Variants in FRMD1 observed in about 807,000 individuals in gnomAD.
FRMD1 encodes FERM domain-containing protein 1.
Under a neutral mutation model 54.9 loss-of-function variants are expected in FRMD1, and 51 were observed. That is an observed-to-expected ratio of 0.93 (90% CI 0.74 to 1.17). FRMD1 has a LOEUF of 1.17. Ranked by LOEUF, FRMD1 falls within the 50% of genes most tolerant of loss-of-function variation. FRMD1 has a pLI of 0.00. For missense variants in FRMD1, 729 were observed against 743.0 expected (o/e 0.98, Z 0.22); for synonymous variants, 324 against 306.4 (o/e 1.06, Z -0.60).
chr6:168,060,596 T>C (rs569079885), intron 9 of FRMD1, among the ~76,000 whole-genome samples, 165 bp downstream of exon 9: 1 of 152,322 alleles, frequency 6.6e-6, no homozygotes, highest in South Asian at 2.1e-4. Flanking sequence ...CGGCATGTTC[T>C]GGCACATTTC....
rs1489668968 is a variant in FRMD1 at position 168,066,797 on chromosome 6, A to C, written c.419T>G (p.Phe140Cys). The change falls in exon 4 of 11, where the codon TTC becomes TGC. Residue 140 changes from phenylalanine (F) to cysteine (C), a missense_variant. Phe to Cys is a radical substitution (Grantham distance 205). Coordinates refer to ENST00000283309, the MANE Select transcript of FRMD1 (RefSeq NM_024919.6). ...NEKPRAPFVA[F>C]LRVQHYVENG... ...TTCCACGTAGTGCTGCACTCGGAGG[A>C]AGGCCACGAAGGGGGCTCTGGGTTT... 3 of 1,614,012 alleles carry C rather than the reference A, an allele frequency of 1.9e-6. No individual in the cohort carries two copies. The African/African-American group carries it at 4.0e-5, about 22-fold the overall frequency.
At position 168,066,811 on chromosome 6, in the gene FRMD1, G is replaced by A. The variant is rs1417653155; in HGVS notation, c.405C>T (p.Ala135=). The A allele has an allele frequency of 1.9e-6, 3 of 1,613,814 alleles. No individual in the cohort carries two copies. Among genetic ancestry groups the A allele is most frequent in the East Asian group, 2.2e-5 (1 of 44,878 alleles). The change falls in exon 4 of 11, where the codon GCC becomes GCT. Residue 135 remains alanine, a synonymous_variant. Coordinates refer to ENST00000283309, the MANE Select transcript of FRMD1 (RefSeq NM_024919.6). The stretch of plus-strand genomic sequence containing the variant: ...GCACTCGGAGGAAGGCCACGAAGGG[G>A]GCTCTGGGTTTCTCATTTCCCTAGT... ...ERNEGNEKPR[A]PFVAFLRVQH... is the part of the protein sequence containing the mutation.
chr6:168,057,501 A>G, intron 10 of FRMD1, 162 bp from the exon 11 acceptor site: 2 of 975,974 alleles, frequency 2.0e-6, no homozygotes, highest in Non-Finnish European at 2.9e-6. Context: ...CCCCCAGCAC[A>G]CACCTCTGCG....
rs868492016 is a variant in FRMD1, at chr6:168,056,548, G to A, written c.*549C>T. 12 of 152,556 alleles carry A rather than the reference G, an allele frequency of 7.9e-5. No homozygotes were observed. Among genetic ancestry groups the A allele is most frequent in the Admixed American group, 4.6e-4 (7 of 15,312 alleles). The allele number at this position is 152,556 out of a possible 1,614,324, so 9.5% of individuals were successfully genotyped here. On this transcript the variant is annotated 3_prime_UTR_variant, in exon 11 of 11. Transcript: ENST00000283309. ...CAGAGCTGGGCTTGCACCACAAGAG[G>A]GGCCTCTGTCTGGCAGGCCCAGCGC...
rs1280652621 is a variant in FRMD1, at chr6:168,054,715, C to G, written c.*2382G>C. On this transcript the variant is annotated 3_prime_UTR_variant, in exon 11 of 11. Coordinates refer to ENST00000283309, the MANE Select transcript of FRMD1 (RefSeq NM_024919.6). ...TTGGCTTCCCCGACTTCCCGCAGCC[C>G]CGCTCTCTGCTGCTTTCTGTCTGGG... is the stretch of plus-strand genomic sequence containing the variant. The G allele has an allele frequency of 6.6e-6, 1 of 152,306 alleles. No individual in the cohort carries two copies. Among genetic ancestry groups the G allele is most frequent in the Non-Finnish European group, 1.5e-5 (1 of 68,120 alleles). 9.4% of individuals were successfully genotyped at this position (152,306 alleles called of 1,614,324 possible). A position where few individuals can be genotyped will look rare whatever the true frequency, so the allele number is the denominator to read the frequency against.
At chr6:168,061,098 G>C (rs747343094) in intron 8 of FRMD1, 41 bp from the exon 9 acceptor site, 3 of 1,570,488 alleles carry the variant, frequency 1.9e-6, no homozygotes, top group Non-Finnish European at 2.6e-6. Context: ...AGCTGGAGAG[G>C]GACCAGCCCT....
rs114808693 is a variant in FRMD1 at position 168,078,035 on chromosome 6, A to C, written c.213+847T>G. ...AGATTCCCAGGGGACTTGAACCAGG[A>C]TATTACTAGCAAGTCATACTCCATT... On this transcript the variant is annotated intron_variant, in intron 1 of 10. Transcript: ENST00000283309. 3.2e-3 allele frequency among the ~76,000 whole-genome samples: 494 copies of C among 152,298 alleles called. 6 individuals are homozygous for C. Among genetic ancestry groups the C allele is most frequent in the African/African-American group, 0.011 (473 of 41,556 alleles).
intron 1 of FRMD1, among the ~76,000 whole-genome samples, chr6:168,090,937 C>A (rs1356510092): frequency 6.6e-6 from 1 of 152,204 alleles, no homozygotes; most frequent in East Asian, 1.9e-4. Flanking sequence ...GGCTTGCCCA[C>A]CGATCCAGGC....
chr6:168,076,723 A>G (rs886526613), intron 1 of FRMD1, among the ~76,000 whole-genome samples: 1 of 152,216 alleles, frequency 6.6e-6, no homozygotes, highest in Non-Finnish European at 1.5e-5. Context: ...GCAGCGTGAG[A>G]ACAGACTAAT....
At chr6:168,083,491 A>G (rs1266717617), upstream of FRMD1, among the ~76,000 whole-genome samples, 3 of 152,238 alleles carry the variant, frequency 2.0e-5, no homozygotes, top group Admixed American at 6.5e-5. Flanking sequence ...ACAATCTCCC[A>G]TCGACTTGAA....
intron 2 of FRMD1, among the ~76,000 whole-genome samples, chr6:168,074,672 A>T (rs1362369293): frequency 7.5e-6 from 1 of 134,074 alleles, no homozygotes; most frequent in Non-Finnish European, 1.6e-5. Context: ...GTGTATGTGT[A>T]TGTGTGAGTG....
At chr6:168,090,166 C>T (rs1221937550) in intron 1 of FRMD1, among the ~76,000 whole-genome samples, 1 of 152,076 alleles carries the variant, frequency 6.6e-6, no homozygotes, top group Non-Finnish European at 1.5e-5. Context: ...TGGCTCGTCT[C>T]CCTCCTGAAT....
In FRMD1 at chr6:168,057,207, T is replaced by A. The variant is rs1484280934; in HGVS notation, c.1540A>T (p.Arg514Trp). 6.2e-7 allele frequency: 1 copy of A among 1,606,186 alleles called. No individual in the cohort carries two copies. Among genetic ancestry groups the A allele is most frequent in the East Asian group, 2.2e-5 (1 of 44,658 alleles). The part of the protein sequence containing the change: ...SHTFHRALDC[R>W]LAGPCETRAT... ...CTGGTCTCGCAGGGGCCTGCCAGCCTGCAGTCCAGGGCGCGGTGGAAGGTA... is the reference window on the plus strand; with the variant it reads ...CTGGTCTCGCAGGGGCCTGCCAGCCAGCAGTCCAGGGCGCGGTGGAAGGTA... The change falls in exon 11 of 11, where the codon AGG (arginine) becomes TGG (tryptophan). Residue 514 changes from arginine (R) to tryptophan (W), a missense_variant. Arg to Trp is a moderately radical substitution (Grantham distance 101). Transcript: ENST00000283309.
upstream of FRMD1, chr6:168,079,250 G>A (rs1800759835): frequency 1.5e-6 from 2 of 1,370,088 alleles, no homozygotes; most frequent in Non-Finnish European, 1.9e-6. Context: ...GCATGGCCAA[G>A]CCAGGACAAG....
At chr6:168,065,101 G>T in intron 4 of FRMD1, 44 bp from the exon 5 acceptor site, 1 of 1,562,420 alleles carries the variant, frequency 6.4e-7, no homozygotes, top group South Asian at 1.2e-5. Flanking sequence ...CCGGTGTGGG[G>T]ACTGCTGGCC....
At chr6:168,081,491 A>G, upstream of FRMD1, 1 of 1,534,696 alleles carries the variant, frequency 6.5e-7, no homozygotes, top group Non-Finnish European at 8.7e-7. Context: ...TGAGCCCTGG[A>G]GTCCTCCTCG....
At position 168,056,200 on chromosome 6, in the gene FRMD1, A is replaced by C. The variant is rs1049406553; in HGVS notation, c.*897T>G. ...AGACCCTACCCTGGTGGCCTTCCAGAGCCCACAGAACCGAGGTCGCACTAC... is the reference window on the plus strand; with the variant it reads ...AGACCCTACCCTGGTGGCCTTCCAGCGCCCACAGAACCGAGGTCGCACTAC... On this transcript the variant is annotated 3_prime_UTR_variant, in exon 11 of 11. Coordinates refer to ENST00000283309, the MANE Select transcript of FRMD1 (RefSeq NM_024919.6). 7.9e-5 allele frequency: 12 copies of C among 152,456 alleles called. No individual in the cohort carries two copies. Among genetic ancestry groups the C allele is most frequent in the African/African-American group, 2.9e-4 (12 of 41,460 alleles). The allele number at this position is 152,456 out of a possible 1,614,324, so 9.4% of individuals were successfully genotyped here. A position where few individuals can be genotyped will look rare whatever the true frequency, so the allele number is the denominator to read the frequency against.
In FRMD1 at chr6:168,079,019, GC is replaced by G; in HGVS notation, c.75del (p.Arg26AspfsTer47). The G allele has an allele frequency of 1.2e-6, 2 of 1,612,106 alleles. No individual in the cohort carries two copies. The highest frequency in any genetic ancestry group is 1.7e-6 in the Non-Finnish European group (2 of 1,179,970). On this transcript the variant is annotated frameshift_variant, in exon 1 of 11. Transcript: ENST00000283309. LOFTEE classifies it high-confidence loss of function. The part of the protein sequence containing the change: ...TNPDTFPPSG[A>X]RCMEPSPERP... ...CTCTCAGGACTGGGTTCCATACATC[GC>G]GCCCCTGAAGGAGGGAACGTGTCAG... is the stretch of plus-strand genomic sequence containing the variant.
At chr6:168,086,852 T>C (rs115858079) in intron 1 of FRMD1, among the ~76,000 whole-genome samples, 2,452 of 152,358 alleles carry the variant, frequency 0.016, 66 homozygotes, top group African/African-American at 0.056. Context: ...CCCGTTCTGC[T>C]CTGGTTTGTG....
Sources: gnomAD v4.1 joint callset for allele counts (sites outside exome capture counted in the v4.1 genomes callset) on GRCh38, gnomAD v4.1.1 for gene constraint, MANE v1.5 for transcripts, NCBI Gene and HGNC (gene_info 2026-07-23, HGNC 2026-07-21) for gene names.